MACF1: variants seen among roughly 807,000 people sequenced by gnomAD.
MACF1 encodes microtubule actin crosslinking factor 1, also known as microtubule-actin cross-linking factor 1.
MACF1 carries 193 observed loss-of-function variants against 854.8 expected under a neutral mutation model. That is an observed-to-expected ratio of 0.23 (90% confidence interval 0.20 to 0.25). The LOEUF (loss-of-function observed/expected upper bound fraction) is 0.25. MACF1 is among the 10% of genes least tolerant of loss of function. The pLI is 1.00. For missense variants in MACF1, 7,722 were observed against 8,929.1 expected (o/e 0.86, Z 5.45); for synonymous variants, 3,185 against 3,226.7 (o/e 0.99, Z 0.44).
chr1:39,477,810 T>G (rs1644937924), intron 97 of MACF1, among the ~76,000 whole-genome samples: 1 of 152,098 alleles, frequency 6.6e-6, no homozygotes, highest in Non-Finnish European at 1.5e-5. Context: ...GGATGCTAAT[T>G]ACAGTCAGCT....
chr1:39,126,614 G>A (rs1642866415), intron 2 of MACF1, among the ~76,000 whole-genome samples: 1 of 151,908 alleles, frequency 6.6e-6, no homozygotes, highest in Non-Finnish European at 1.5e-5. Context: ...GTGAAACCCT[G>A]TCTCTACTAA....
Position 39,318,527 on chromosome 1 carries a change from T to C in MACF1, c.3857T>C (p.Ile1286Thr), listed in dbSNP as rs768634006. 14 of 1,613,848 alleles carry C rather than the reference T, an allele frequency of 8.7e-6. No individual in the cohort carries two copies. The highest frequency in any genetic ancestry group is 1.3e-5 in the African/African-American group (1 of 74,888). ...RACHGTLIKW[I>T]EETTAQQEMM... The stretch of plus-strand genomic sequence containing the variant: ...TGCCATGGAACTCTCATCAAGTGGA[T>C]TGAGGAAACCACTGCCCAGCAGGAA... The change falls in exon 30 of 101, where the codon ATT becomes ACT. Residue 1286 changes from isoleucine (I) to threonine (T), a missense_variant. Coordinates refer to ENST00000564288, the MANE Select transcript of MACF1 (RefSeq NM_001394062.1).
chr1:39,177,805 A>C (rs1267653112), intron 2 of MACF1, among the ~76,000 whole-genome samples: 1 of 152,162 alleles, frequency 6.6e-6, no homozygotes, highest in Admixed American at 6.5e-5. Flanking sequence ...TGCTTTCTGA[A>C]GTGCCCTTAG....
intron 2 of MACF1, among the ~76,000 whole-genome samples, chr1:39,196,598 C>T (rs76855990): frequency 6.6e-6 from 1 of 152,114 alleles, no homozygotes; most frequent in African/African-American, 2.4e-5. Flanking sequence ...AATTTATAAT[C>T]TTAGGTATAT....
chr1:39,292,906 C>T lies in MACF1; in HGVS notation c.1992+63C>T, dbSNP rs867286491. On this transcript the variant is annotated intron_variant, in intron 17 of 100. Coordinates refer to ENST00000564288, the MANE Select transcript of MACF1 (RefSeq NM_001394062.1). ...AGTCTGGTTCCCCCCAATCAACTCT[C>T]TTCCGTAATTCAGAAATCTCCTGGT... 1.2e-4 allele frequency: 165 copies of T among 1,343,652 alleles called. No individual in the cohort carries two copies. In the African/African-American group the frequency reaches 2.2e-3, roughly 18 times the overall value. The allele number at this position is 1,343,652 out of a possible 1,614,324, so 83.2% of individuals were successfully genotyped here. A position where few individuals can be genotyped will look rare whatever the true frequency, so the allele number is the denominator to read the frequency against.
intron 2 of MACF1, among the ~76,000 whole-genome samples, chr1:39,147,359 CTTCTCTT>C (rs940873934): frequency 1.4e-5 from 2 of 138,024 alleles, no homozygotes; most frequent in South Asian, 2.2e-4. Flanking sequence ...TTTCATTTTC[CTTCTCTT>C]TTCTCTTTCC....
chr1:39,402,078 G>C (rs1030048428), intron 58 of MACF1, among the ~76,000 whole-genome samples: 6 of 152,168 alleles, frequency 3.9e-5, no homozygotes, highest in Admixed American at 2.0e-4. Flanking sequence ...CAGGCTTGGT[G>C]GTGGGTGCCT....
chr1:39,133,219 T>TCC (rs1018590399), intron 2 of MACF1, among the ~76,000 whole-genome samples: 7 of 151,598 alleles, frequency 4.6e-5, no homozygotes, highest in Admixed American at 1.3e-4. Context: ...GGGCTGGGGG[T>TCC]ATGGGGTGTG....
rs1274233045 is a variant in MACF1 at position 39,442,464 on chromosome 1, A to G, written c.19001A>G (p.Glu6334Gly). 1 of 1,614,244 alleles carries G rather than the reference A, an allele frequency of 6.2e-7. No homozygotes were observed. Among genetic ancestry groups the G allele is most frequent in the Non-Finnish European group, 8.5e-7 (1 of 1,180,040 alleles). Reference sequence around the variant, plus strand: ...CTTGGTCAGTTCCAGCATGCCTTAGAGGAACTAATGAGTTGGCTGACTCAT... The same window carrying G: ...CTTGGTCAGTTCCAGCATGCCTTAGGGGAACTAATGAGTTGGCTGACTCAT... ...LALGQFQHAL[E>G]ELMSWLTHTE... Residue 6334 changes from glutamate (E) to glycine (G), a missense_variant, in exon 77 of 101, where the codon GAG becomes GGG. Around this residue, in one of 15 missense-constraint regions of MACF1, gnomAD observed 2,807 missense variants for 3,235.8 expected, o/e 0.87. Coordinates refer to ENST00000564288, the MANE Select transcript of MACF1 (RefSeq NM_001394062.1).
chr1:39,327,143 A>G (rs1347427011), intron 35 of MACF1, 75 bp from the exon 36 acceptor site: 10 of 1,407,096 alleles, frequency 7.1e-6, no homozygotes, highest in African/African-American at 2.9e-5. Context: ...AGAAGTAGCA[A>G]TTTTGAAGCA....
chr1:39,331,618 A>T lies in MACF1; in HGVS notation c.5030A>T (p.His1677Leu), dbSNP rs1450925096. 11 of 1,614,216 alleles carry T rather than the reference A, an allele frequency of 6.8e-6. No individual in the cohort carries two copies. In the African/African-American group the frequency reaches 1.1e-4, roughly 16 times the overall value. The change falls in exon 37 of 101, where the codon CAT becomes CTT. Residue 1677 changes from histidine to leucine, a missense_variant. Around this residue, in one of 15 missense-constraint regions of MACF1, gnomAD observed 1,531 missense variants for 1,601.6 expected, o/e 0.96. Coordinates refer to ENST00000564288, the MANE Select transcript of MACF1 (RefSeq NM_001394062.1). The stretch of plus-strand genomic sequence containing the variant: ...TGTATTAACCTGGAAGAGGCTTTTC[A>T]TCAAGGCCTCATTTCTGCATGGCTT... ...ENCINLEEAF[H>L]QGLISAWLHS... is the part of the protein sequence containing the mutation.
chr1:39,337,351 C>T lies in MACF1; in HGVS notation c.10215+20C>T. ...GCCAAGGTAGGTTCCCAGAGACTTC[C>T]ACCACAGACACCAGCTTCAAGATAG... On this transcript the variant is annotated intron_variant, in intron 38 of 100. Coordinates refer to ENST00000564288, the MANE Select transcript of MACF1 (RefSeq NM_001394062.1). 6.2e-7 allele frequency: 1 copy of T among 1,608,520 alleles called. No homozygotes were observed. The highest frequency in any genetic ancestry group is 2.2e-5 in the East Asian group (1 of 44,846).
chr1:39,368,652 C>CT (rs779149946), intron 50 of MACF1, among the ~76,000 whole-genome samples: 4 of 152,048 alleles, frequency 2.6e-5, no homozygotes, highest in Non-Finnish European at 4.4e-5. Flanking sequence ...CAGGCGCCCA[C>CT]CACCATGCTC....
At chr1:39,164,065 C>T (rs1001726009) in intron 2 of MACF1, among the ~76,000 whole-genome samples, 2 of 151,900 alleles carry the variant, frequency 1.3e-5, no homozygotes, top group African/African-American at 2.4e-5. Context: ...TTCTTTATAC[C>T]TTTATCTACA....
intron 47 of MACF1, among the ~76,000 whole-genome samples, chr1:39,360,042 T>TAC (rs1648015051): frequency 1.7e-5 from 1 of 59,314 alleles, no homozygotes; most frequent in African/African-American, 7.0e-5. Flanking sequence ...TATATATATA[T>TAC]ATATATATAT....
intron 2 of MACF1, among the ~76,000 whole-genome samples, chr1:39,169,465 C>T (rs1643916652): frequency 6.6e-6 from 1 of 151,850 alleles, no homozygotes; most frequent in Non-Finnish European, 1.5e-5. Context: ...AGTAGCCAGA[C>T]CTGGTGGTGT....
chr1:39,439,986 A>T (rs653501), intron 72 of MACF1, among the ~76,000 whole-genome samples: 5,742 of 145,256 alleles, frequency 0.04, 313 homozygotes, highest in African/African-American at 0.12. Flanking sequence ...GTAGAAAAAT[A>T]GATGGTAGAA....
intron 97 of MACF1, among the ~76,000 whole-genome samples, chr1:39,472,723 G>C (rs1238641691): frequency 6.6e-6 from 1 of 152,192 alleles, no homozygotes; most frequent in African/African-American, 2.4e-5. Context: ...CGAGATGAGA[G>C]CACCAGAAAT....
rs780322609 is a variant in MACF1, at chr1:39,334,675, C to A, written c.8087C>A (p.Thr2696Asn). The A allele has an allele frequency of 1.2e-6, 2 of 1,614,038 alleles. No individual in the cohort carries two copies. Among genetic ancestry groups the A allele is most frequent in the South Asian group, 2.2e-5 (2 of 91,080 alleles). The change falls in exon 37 of 101, where the codon ACT becomes AAT. Residue 2696 changes from threonine (T) to asparagine (N), a missense_variant. By Grantham distance (65) the Thr-to-Asn change is moderately conservative (BLOSUM62 0). Around this residue, in one of 15 missense-constraint regions of MACF1, gnomAD observed 1,531 missense variants for 1,601.6 expected, o/e 0.96. Coordinates refer to ENST00000564288, the MANE Select transcript of MACF1 (RefSeq NM_001394062.1). The part of the protein sequence containing the change: ...AQANTGGIID[T>N]ATGKRLTLAS... Reference sequence around the variant, plus strand: ...GCAAATACTGGTGGAATCATAGATACTGCTACTGGAAAAAGACTGACATTG... The same window carrying A: ...GCAAATACTGGTGGAATCATAGATAATGCTACTGGAAAAAGACTGACATTG...
Sources: allele counts gnomAD v4.1 joint callset (sites outside exome capture counted in the v4.1 genomes callset), GRCh38; gene constraint gnomAD v4.1.1; regional missense constraint gnomAD v4.1.1; transcripts MANE v1.5; gene names NCBI Gene and HGNC (gene_info 2026-07-23, HGNC 2026-07-21).